MYH7B: variants seen among roughly 807,000 people sequenced by gnomAD.
MYH7B encodes myosin heavy chain 7B, also known as myosin-7B.
Under a neutral mutation model 234.5 loss-of-function variants are expected in MYH7B, and 205 were observed. The observed-to-expected ratio is 0.87, with a 90% CI of 0.78 to 0.98. The LOEUF (loss-of-function observed/expected upper bound fraction) is 0.98, where lower values mean the gene tolerates loss of function less well. Among genes scored for constraint, MYH7B ranks in the 50% least tolerant of loss-of-function variants. The pLI is 0.00. For synonymous variants in MYH7B, 1,193 were observed against 1,105.0 expected, an observed-to-expected ratio of 1.08 and a Z score of -1.58; for missense variants, 2,652 against 2,633.4, an observed-to-expected ratio of 1.01 and a Z score of -0.15.
At chr20:34,980,790 G>T in intron 8 of MYH7B, 56 bp downstream of exon 8, 3 of 1,593,708 alleles carry the variant, frequency 1.9e-6, no homozygotes, top group Non-Finnish European at 2.6e-6. Flanking sequence ...GTCCCGGGAG[G>T]CCTCTGTAAG....
chr20:34,993,119 C>T, exon 25 of MYH7B: 1 of 1,613,768 alleles, frequency 6.2e-7, no homozygotes, highest in Non-Finnish European at 8.5e-7. Context: ...ATCCTGAACC[C>T]CAGTGCCATC....
chr20:34,979,770 A>G, exon 7 of MYH7B: 1 of 1,613,742 alleles, frequency 6.2e-7, no homozygotes. Context: ...GTGCTGCACA[A>G]CCTGCGCCAG....
exon 44 of MYH7B, chr20:35,002,053 C>T (rs767203428): frequency 2.0e-5 from 32 of 1,613,856 alleles, no homozygotes; most frequent in Non-Finnish European, 2.4e-5. Flanking sequence ...CAACAAGCTG[C>T]GGGCACGGAC....
chr20:34,986,274 G>C, intron 14 of MYH7B, 76 bp downstream of exon 14: 1 of 1,197,266 alleles, frequency 8.4e-7, no homozygotes, highest in East Asian at 2.5e-5. Flanking sequence ...CCCCCATCAG[G>C]CCAGGCCCTG....
chr20:35,001,816 T>G, intron 43 of MYH7B, 132 bp from the exon 44 acceptor site: 2 of 1,374,126 alleles, frequency 1.5e-6, no homozygotes, highest in Non-Finnish European at 2.0e-6. Context: ...GTGGTATTGG[T>G]GAGGATGGAC....
At chr20:34,990,181 G>C (rs553648722) in intron 21 of MYH7B, 35 bp downstream of exon 21, 7 of 1,614,024 alleles carry the variant, frequency 4.3e-6, no homozygotes, top group Non-Finnish European at 5.1e-6. Flanking sequence ...CACTCTGACA[G>C]GGGCCCACAG....
chr20:34,958,124 A>C (rs1464557699), exon 2 of MYH7B, among the ~76,000 whole-genome samples: 2 of 152,240 alleles, frequency 1.3e-5, no homozygotes, highest in South Asian at 2.1e-4. Flanking sequence ...ACGGGTGCCA[A>C]GTGATGAGTA....
chr20:35,002,049 G>A (rs553868749), exon 44 of MYH7B: 10 of 1,614,060 alleles, frequency 6.2e-6, no homozygotes, highest in South Asian at 5.5e-5. Flanking sequence ...AGGCCAACAA[G>A]CTGCGGGCAC....
chr20:34,961,103 G>T (rs973536036), intron 2 of MYH7B, among the ~76,000 whole-genome samples: 7 of 152,098 alleles, frequency 4.6e-5, no homozygotes, highest in African/African-American at 1.4e-4. Context: ...TTCCCAGTCC[G>T]GCTCTCATTT....
exon 27 of MYH7B, chr20:34,994,163 T>C: frequency 6.2e-7 from 1 of 1,613,288 alleles, no homozygotes; most frequent in East Asian, 2.2e-5. Context: ...CTGTTCACCA[T>C]CCAGTGGAAC....
At chr20:34,993,290 G>A (rs1352794804) in intron 25 of MYH7B, 44 bp from the exon 26 acceptor site, 16 of 1,613,870 alleles carry the variant, frequency 9.9e-6, no homozygotes, top group South Asian at 5.5e-5. Flanking sequence ...GGGTTCATGC[G>A]GATGGTTGGG....
intron 2 of MYH7B, among the ~76,000 whole-genome samples, chr20:34,970,352 C>G (rs568525698): frequency 1.4e-4 from 21 of 152,316 alleles, no homozygotes; most frequent in Non-Finnish European, 2.6e-4. Flanking sequence ...ACCCATGTGC[C>G]CTTGTATAGG....
intron 22 of MYH7B, 120 bp downstream of exon 22, chr20:34,990,430 A>G: frequency 9.5e-7 from 1 of 1,049,732 alleles, no homozygotes; most frequent in Non-Finnish European, 1.5e-6. Context: ...GTGATGTTTA[A>G]CTCCTCTCCA....
At chr20:34,996,452 T>G (rs2082259322) in exon 29 of MYH7B, 1 of 1,613,044 alleles carries the variant, frequency 6.2e-7, no homozygotes, top group Non-Finnish European at 8.5e-7. Context: ...CTGGGTGACC[T>G]GCAGGCCGAG....
exon 28 of MYH7B, chr20:34,995,338 G>T: frequency 6.2e-7 from 1 of 1,612,256 alleles, no homozygotes; most frequent in Non-Finnish European, 8.5e-7. Flanking sequence ...CCCTCCAGGA[G>T]CAGGACAACC....
exon 32 of MYH7B, chr20:34,997,602 G>T: frequency 6.2e-7 from 1 of 1,613,598 alleles, no homozygotes; most frequent in Non-Finnish European, 8.5e-7. Flanking sequence ...GGAGGTGGAC[G>T]ACCTGGCTGC....
At chr20:34,993,168 G>C (rs201248832) in exon 25 of MYH7B, 21 of 1,614,046 alleles carry the variant, frequency 1.3e-5, no homozygotes, top group Middle Eastern at 1.7e-4. Context: ...AGGCCACAGA[G>C]AAACTGCTGG....
intron 15 of MYH7B, 61 bp from the exon 16 acceptor site, chr20:34,987,088 C>G: frequency 6.2e-7 from 1 of 1,610,070 alleles, no homozygotes; most frequent in Non-Finnish European, 8.5e-7. Flanking sequence ...CGGGGCAGTG[C>G]CTGGCTGGAC....
chr20:34,974,127 A>G (rs921669179), intron 2 of MYH7B, among the ~76,000 whole-genome samples: 3 of 150,520 alleles, frequency 2.0e-5, no homozygotes, highest in Non-Finnish European at 4.4e-5. Flanking sequence ...GGGTTTCACC[A>G]TGTTGACCAG....
Sources: allele counts gnomAD v4.1 joint callset (sites outside exome capture counted in the v4.1 genomes callset), GRCh38; gene constraint gnomAD v4.1.1; transcripts MANE v1.5; gene names NCBI Gene and HGNC (gene_info 2026-07-23, HGNC 2026-07-21).